Variants in DMGDH observed in about 807,000 individuals in gnomAD.
DMGDH encodes the protein dimethylglycine dehydrogenase, also known as dimethylglycine dehydrogenase, mitochondrial.
In DMGDH, 76 loss-of-function variants were observed where a neutral mutation model predicts 95.2. The ratio of observed to expected loss-of-function variants is 0.80; its 90% confidence interval spans 0.66 to 0.97. The LOEUF is 0.97. Ranked by LOEUF, DMGDH falls within the 50% of genes least tolerant of loss-of-function variation. The pLI is 0.00. For missense variants in DMGDH, 987 were observed against 1,055.0 expected (o/e 0.94, Z 0.89); for synonymous variants, 345 against 377.6 (o/e 0.91, Z 1.00).
chr5:79,008,104 G>A (rs1319056117), intron 14 of DMGDH, among the ~76,000 whole-genome samples: 3 of 152,016 alleles, frequency 2.0e-5, no homozygotes, highest in South Asian at 4.2e-4. Context: ...TGTGTTCTAG[G>A]GTGTAAAAAT....
At chr5:79,062,116 T>A (rs997557792) in intron 2 of DMGDH, among the ~76,000 whole-genome samples, 11 of 152,048 alleles carry the variant, frequency 7.2e-5, no homozygotes, top group Admixed American at 7.2e-4. Context: ...AATAGCCTCA[T>A]GGCCCCCTGG....
intron 15 of DMGDH, among the ~76,000 whole-genome samples, chr5:78,999,416 C>T (rs1753415250): frequency 6.6e-6 from 1 of 152,144 alleles, no homozygotes; most frequent in Admixed American, 6.5e-5. Context: ...CTGCAAGCTC[C>T]GCCTCCCAGG....
intron 14 of DMGDH, among the ~76,000 whole-genome samples, chr5:79,020,498 A>G (rs978508856): frequency 7.2e-5 from 11 of 152,186 alleles, no homozygotes; most frequent in African/African-American, 2.7e-4. Context: ...TGTTTTAATA[A>G]TAGCTAATAT....
At chr5:79,010,253 A>G (rs1010684293) in intron 14 of DMGDH, among the ~76,000 whole-genome samples, 1 of 152,154 alleles carries the variant, frequency 6.6e-6, no homozygotes, top group African/African-American at 2.4e-5. Flanking sequence ...AAATCAGTAT[A>G]TTTTTGGTTG....
At position 79,059,403 on chromosome 5, in the gene DMGDH, C is replaced by T. The variant is rs138329373; in HGVS notation, c.277-3495G>A. On this transcript the variant is annotated intron_variant, in intron 2 of 15. Transcript: ENST00000255189. ...GGCTGTGTCTCTGCATCCTGACACC[C>T]CTTCCTCTACCTCAGTCAACACCCA... Among the ~76,000 whole-genome samples the T allele has an allele frequency of 9.6e-4, 146 of 152,310 alleles. No individual in the cohort carries two copies. The Middle Eastern group carries it at 0.017, about 18-fold the overall frequency.
chr5:79,029,935 T>G lies in DMGDH; in HGVS notation c.1783A>C (p.Thr595Pro). Residue 595 changes from threonine to proline, a missense_variant, in exon 11 of 16, where the codon ACT (threonine) becomes CCT (proline). Physicochemically the swap from Thr to Pro is conservative, Grantham distance 38. Transcript: ENST00000255189. The stretch of plus-strand genomic sequence containing the variant: ...TCATGAAGTTCTGATCCAGAGCCAG[T>G]AATTAAAAGAAACTCCCCAGGAGAT... ...HQSPGEFLLI[T>P]GSGSELHDLR... 6.2e-7 allele frequency: 1 copy of G among 1,614,058 alleles called. No homozygotes were observed. The highest frequency in any genetic ancestry group is 8.5e-7 in the Non-Finnish European group (1 of 1,179,968).
chr5:79,015,171 T>C (rs751175393), intron 14 of DMGDH, among the ~76,000 whole-genome samples: 22 of 152,126 alleles, frequency 1.4e-4, no homozygotes, highest in Non-Finnish European at 2.6e-4. Flanking sequence ...CCTCCACCTG[T>C]GTTTCCTAGT....
At chr5:79,067,856 T>C (rs1755423322) in intron 1 of DMGDH, among the ~76,000 whole-genome samples, 1 of 152,186 alleles carries the variant, frequency 6.6e-6, no homozygotes, top group Admixed American at 6.5e-5. Flanking sequence ...AAATAAAACA[T>C]TTTTTGATAG....
intron 1 of DMGDH, among the ~76,000 whole-genome samples, chr5:79,065,782 C>T (rs1210681911): frequency 3.3e-5 from 5 of 152,114 alleles, no homozygotes; most frequent in East Asian, 1.9e-4. Flanking sequence ...ACTACAAACA[C>T]GTGAGCAATG....
intron 14 of DMGDH, among the ~76,000 whole-genome samples, chr5:79,021,984 C>G (rs1189211618): frequency 6.6e-6 from 1 of 152,162 alleles, no homozygotes; most frequent in Non-Finnish European, 1.5e-5. Flanking sequence ...ACCAGCTGAT[C>G]CCCAGGGACC....
intron 5 of DMGDH, among the ~76,000 whole-genome samples, chr5:79,049,432 G>A (rs1475656867): frequency 6.6e-6 from 1 of 152,332 alleles, no homozygotes; most frequent in South Asian, 2.1e-4. Context: ...GAGAAAAATG[G>A]TGGGGCTTTG....
At chr5:79,005,545 C>G in intron 14 of DMGDH, 138 bp from the exon 15 acceptor site, 1 of 1,213,336 alleles carries the variant, frequency 8.2e-7, no homozygotes, top group Non-Finnish European at 1.2e-6. Flanking sequence ...GATCATATGT[C>G]TAGACAAATA....
intron 2 of DMGDH, among the ~76,000 whole-genome samples, chr5:79,060,118 G>A (rs1371988531): frequency 6.6e-6 from 1 of 152,142 alleles, no homozygotes; most frequent in African/African-American, 2.4e-5. Flanking sequence ...TCAAATGTGA[G>A]GGTTATTTAT....
chr5:79,005,400 T>C lies in DMGDH; in HGVS notation c.2258A>G (p.Asp753Gly). 1 of 1,614,142 alleles carries C rather than the reference T, an allele frequency of 6.2e-7. No individual in the cohort carries two copies. The highest frequency in any genetic ancestry group is 8.5e-7 in the Non-Finnish European group (1 of 1,180,018). ...EYFVKLNKPA[D>G]FIGKQALKQI... ...TTTCAGTGCTTGCTTTCCTATGAAG[T>C]CTGCTGGCTGCAGGAATCCAAGATA... The change falls in exon 15 of 16, where the codon GAC becomes GGC. Residue 753 changes from aspartate (D) to glycine (G), a missense_variant. Asp to Gly is a moderately conservative substitution (Grantham distance 94). Coordinates refer to ENST00000255189, the MANE Select transcript of DMGDH (RefSeq NM_013391.3).
chr5:79,055,496 T>C (rs1458390190), intron 3 of DMGDH, among the ~76,000 whole-genome samples: 1 of 152,246 alleles, frequency 6.6e-6, no homozygotes, highest in African/African-American at 2.4e-5. Flanking sequence ...TCCTTTGCAA[T>C]GCAATTGCTG....
intron 14 of DMGDH, among the ~76,000 whole-genome samples, chr5:79,007,021 C>T (rs1294892535): frequency 6.6e-6 from 1 of 152,132 alleles, no homozygotes; most frequent in Non-Finnish European, 1.5e-5. Context: ...TTTCTCCTTC[C>T]CCAGGGTGAT....
At chr5:79,062,920 CG>C (rs1755252737) in intron 2 of DMGDH, among the ~76,000 whole-genome samples, 1 of 151,904 alleles carries the variant, frequency 6.6e-6, no homozygotes, top group Non-Finnish European at 1.5e-5. Context: ...GGTGAAACCC[CG>C]TCTCTACTAA....
Position 79,028,450 on chromosome 5 carries a change from A to C in DMGDH, c.2015T>G (p.Ile672Ser). The change falls in exon 12 of 16, where the codon ATT becomes AGT. Residue 672 changes from isoleucine (I) to serine (S), a missense_variant. Transcript: ENST00000255189. ...AATCTTACCAGTATAAGATATCCTA[A>C]TAGCAGTGACAGGAATGTTGGAAAC... ...LKVSNIPVTA[I>S]RISYTGELGW... is the part of the protein sequence containing the mutation. The C allele has an allele frequency of 1.9e-6, 3 of 1,613,244 alleles. No homozygotes were observed. Among genetic ancestry groups the C allele is most frequent in the Non-Finnish European group, 2.5e-6 (3 of 1,179,196 alleles).
chr5:79,047,600 C>T (rs145598917), intron 5 of DMGDH, among the ~76,000 whole-genome samples: 4 of 152,252 alleles, frequency 2.6e-5, no homozygotes, highest in Non-Finnish European at 5.9e-5. Context: ...AGTACCTGCC[C>T]GCGTCCCTGA....
Sources: gnomAD v4.1 joint callset for allele counts (sites outside exome capture counted in the v4.1 genomes callset) on GRCh38, gnomAD v4.1.1 for gene constraint, MANE v1.5 for transcripts, NCBI Gene and HGNC (gene_info 2026-07-23, HGNC 2026-07-21) for gene names.